Variants in QTRT2 observed in about 807,000 individuals in gnomAD.
QTRT2 encodes queuine tRNA-ribosyltransferase domain containing 1.
A neutral mutation model predicts 44.8 loss-of-function variants in QTRT2; 32 were observed. That is an observed-to-expected ratio of 0.71 (90% CI 0.54 to 0.96). The LOEUF is 0.96. Among genes scored for constraint, QTRT2 ranks in the 40% least tolerant of loss-of-function variants. QTRT2 has a pLI of 0.00. For missense variants in QTRT2, 461 were observed against 503.1 expected, an observed-to-expected ratio of 0.92 and a Z score of 0.80; for synonymous variants, 182 against 187.4, an observed-to-expected ratio of 0.97 and a Z score of 0.24.
intron 1 of QTRT2, 34 bp downstream of exon 1, chr3:114,056,898 T>C (rs1442931201): frequency 2.0e-6 from 3 of 1,534,074 alleles, no homozygotes; most frequent in Non-Finnish European, 2.6e-6. Flanking sequence ...GTGTGGGAGC[T>C]GCTAGAGATG....
At chr3:114,063,224 T>TC (rs34888219) in intron 2 of QTRT2, among the ~76,000 whole-genome samples, 1 of 152,200 alleles carries the variant, frequency 6.6e-6, no homozygotes, top group African/African-American at 2.4e-5. Context: ...TCTTTGTGCT[T>TC]CCCCCTGCTT....
At chr3:114,072,193 C>T (rs1377247825) in intron 6 of QTRT2, among the ~76,000 whole-genome samples, 3 of 152,002 alleles carry the variant, frequency 2.0e-5, no homozygotes, top group African/African-American at 7.3e-5. Flanking sequence ...ATTGCTCAGC[C>T]TATCAGGCTA....
rs760463625 is a variant in QTRT2, at chr3:114,065,379, C to T, written c.122C>T (p.Ser41Phe). Residue 41 changes from serine (S) to phenylalanine (F), a missense_variant, in exon 3 of 10, where the codon TCC (serine) becomes TTC (phenylalanine). Physicochemically the swap from Ser to Phe is radical, Grantham distance 155 (BLOSUM62 -2). Coordinates refer to ENST00000281273, the MANE Select transcript of QTRT2 (RefSeq NM_024638.4). ...PGCLLYTKTG[S>F]APHLTHHTLH... ...TGCCTTCTGTATACCAAGACTGGCT[C>T]CGCCCCACACCTCACCCATCACACG... 3.1e-6 allele frequency: 5 copies of T among 1,614,158 alleles called. No individual in the cohort carries two copies. The highest frequency in any genetic ancestry group is 3.4e-6 in the Non-Finnish European group (4 of 1,180,022).
rs573793634 is a variant in QTRT2 at position 114,087,527 on chromosome 3, C to G, written c.*1623C>G. 1 of 152,094 alleles carries G rather than the reference C, an allele frequency of 6.6e-6. No individual in the cohort carries two copies. Among genetic ancestry groups the G allele is most frequent in the Admixed American group, 6.6e-5 (1 of 15,250 alleles). 9.4% of individuals were successfully genotyped at this position (152,094 alleles called of 1,614,324 possible). On this transcript the variant is annotated 3_prime_UTR_variant, in exon 10 of 10. Transcript: ENST00000281273. ...CCGAGTAGCTGGGACTACAGGCGCC[C>G]GCCACCATGCCTGGCTAATTTTTTA...
chr3:114,058,660 G>A (rs2076842642), intron 2 of QTRT2, among the ~76,000 whole-genome samples: 1 of 152,138 alleles, frequency 6.6e-6, no homozygotes, highest in Admixed American at 6.5e-5. Context: ...AGCCTCCGGA[G>A]TAGCTGGTAT....
At chr3:114,057,175 C>A in intron 2 of QTRT2, 69 bp downstream of exon 2, 2 of 795,472 alleles carry the variant, frequency 2.5e-6, no homozygotes, top group Non-Finnish European at 3.3e-6. Context: ...AATCTCTGAG[C>A]CAGGTGCCTA....
chr3:114,072,697 G>C (rs993723122), intron 6 of QTRT2, among the ~76,000 whole-genome samples: 1 of 152,222 alleles, frequency 6.6e-6, no homozygotes, highest in South Asian at 2.1e-4. Context: ...TCCAAGATTC[G>C]GTTGTTGGCT....
intron 6 of QTRT2, among the ~76,000 whole-genome samples, chr3:114,071,354 A>G (rs2077021770): frequency 1.3e-5 from 2 of 152,094 alleles, no homozygotes; most frequent in African/African-American, 4.8e-5. Context: ...GCTGGAGTGC[A>G]GTGGTGCTAT....
At chr3:114,082,929 A>C in intron 9 of QTRT2, 135 bp downstream of exon 9, 1 of 635,134 alleles carries the variant, frequency 1.6e-6, no homozygotes, top group Non-Finnish European at 2.9e-6. Context: ...GCCTTCTCAA[A>C]TTCGATTTCA....
intron 2 of QTRT2, 33 bp downstream of exon 2, chr3:114,057,139 G>C (rs1205385769): frequency 4.2e-6 from 5 of 1,182,070 alleles, no homozygotes; most frequent in African/African-American, 1.6e-5. Flanking sequence ...ATTCCGAACT[G>C]CCCATGGGAG....
intron 8 of QTRT2, among the ~76,000 whole-genome samples, chr3:114,082,238 A>ACACACC: frequency 7.0e-6 from 1 of 142,880 alleles, no homozygotes; most frequent in East Asian, 2.2e-4. Flanking sequence ...ACACACACAC[A>ACACACC]CACACACACA....
chr3:114,058,876 C>T (rs1168596387), intron 2 of QTRT2, among the ~76,000 whole-genome samples: 1 of 152,170 alleles, frequency 6.6e-6, no homozygotes. Context: ...GCTCAATGCA[C>T]CACATTGTTT....
intron 8 of QTRT2, among the ~76,000 whole-genome samples, chr3:114,082,066 G>C (rs2077171978): frequency 6.6e-6 from 1 of 151,960 alleles, no homozygotes; most frequent in Admixed American, 6.6e-5. Context: ...GTGTAGTCTG[G>C]GTTCCCTAGA....
At chr3:114,085,630 G>T (rs748205260) in intron 9 of QTRT2, 43 bp from the exon 10 acceptor site, 8 of 1,517,862 alleles carry the variant, frequency 5.3e-6, no homozygotes, top group Non-Finnish European at 7.3e-6. Context: ...TGGATTTCTT[G>T]TATTCCGTAC....
At chr3:114,077,691 TAA>T (rs2077109433) in intron 7 of QTRT2, 1 of 151,916 alleles carries the variant, frequency 6.6e-6, no homozygotes, top group South Asian at 2.1e-4. Flanking sequence ...GGATAGTATA[TAA>T]TATGTGTAAT....
At chr3:114,073,622 G>C (rs912688088) in intron 6 of QTRT2, among the ~76,000 whole-genome samples, 1 of 151,894 alleles carries the variant, frequency 6.6e-6, no homozygotes, top group Non-Finnish European at 1.5e-5. Flanking sequence ...CTTTTCATTC[G>C]CCTGCCTCAG....
chr3:114,058,033 A>T, intron 2 of QTRT2, among the ~76,000 whole-genome samples: 1 of 152,214 alleles, frequency 6.6e-6, no homozygotes, highest in East Asian at 1.9e-4. Flanking sequence ...TCTGCCACTT[A>T]CCAGCTGGGG....
At position 114,086,906 on chromosome 3, in the gene QTRT2, T is replaced by G. The variant is rs1336727923; in HGVS notation, c.*1002T>G. 1.3e-5 allele frequency: 2 copies of G among 152,230 alleles called. No homozygotes were observed. The highest frequency in any genetic ancestry group is 4.8e-5 in the African/African-American group (2 of 41,474). 9.4% of individuals were successfully genotyped at this position (152,230 alleles called of 1,614,324 possible). A position where few individuals can be genotyped will look rare whatever the true frequency, so the allele number is the denominator to read the frequency against. On this transcript the variant is annotated 3_prime_UTR_variant, in exon 10 of 10. Transcript: ENST00000281273. ...CTAAAATTGGAAGAACAAAAAGTTT[T>G]AGATTAGAGTCATAGCCTTAATAGC...
chr3:114,078,613 A>G (rs1355296173), intron 7 of QTRT2: 3 of 152,196 alleles, frequency 2.0e-5, no homozygotes, highest in Admixed American at 1.3e-4. Flanking sequence ...AGAATGCCTT[A>G]CCTATTACAA....
Sources: gnomAD v4.1 joint callset for allele counts (sites outside exome capture counted in the v4.1 genomes callset) on GRCh38, gnomAD v4.1.1 for gene constraint, MANE v1.5 for transcripts, NCBI Gene and HGNC (gene_info 2026-07-23, HGNC 2026-07-21) for gene names.